The following CRACR2A variants were observed in gnomAD, a reference collection of about 807,000 sequenced individuals.
CRACR2A encodes the protein EF-hand calcium-binding domain-containing protein 4B.
In CRACR2A, 79 loss-of-function variants were observed where a neutral mutation model predicts 90.5. The observed-to-expected ratio is 0.87, with a 90% confidence interval of 0.73 to 1.05. The LOEUF is 1.05. Ranked by LOEUF, CRACR2A falls within the 50% of genes least tolerant of loss-of-function variation. The pLI is 0.00. For synonymous variants in CRACR2A, 338 were observed against 356.7 expected (o/e 0.95, Z 0.59); for missense variants, 823 against 897.2 (o/e 0.92, Z 1.06).
At chr12:3,643,850 AT>A (rs1565470989) in intron 12 of CRACR2A, among the ~76,000 whole-genome samples, 3 of 50,210 alleles carry the variant, frequency 6.0e-5, no homozygotes, top group African/African-American at 6.5e-5. Flanking sequence ...AATATATATT[AT>A]ATATTTATAT....
rs370881871 is a variant in CRACR2A at position 3,695,616 on chromosome 12, G to A, written c.228+1156C>T. On this transcript the variant is annotated intron_variant, in intron 4 of 19. Transcript: ENST00000440314. The stretch of plus-strand genomic sequence containing the variant: ...CACATGCATGAGCAGAGATGGGGCT[G>A]AGCCTAATGAGGGTCCCCATTTCAT... Among the ~76,000 whole-genome samples the A allele has an allele frequency of 2.2e-4, 34 of 152,340 alleles. No individual in the cohort carries two copies. In the South Asian group the frequency reaches 7.0e-3, roughly 32 times the overall value.
chr12:3,633,685 C>T lies in CRACR2A; in HGVS notation c.1654G>A (p.Gly552Ser). ...PDRLFKIVFV[G>S]NSAVGKTSFL... ...GATGTCTTCCCCACCGCGGAATTGC[C>T]CACGAACACAATCTTGAAGAGCCGG... Residue 552 changes from glycine to serine, a missense_variant, in exon 15 of 20, where the codon GGC becomes AGC. By Grantham distance (56) the Gly-to-Ser change is moderately conservative. Transcript: ENST00000440314. This position sits in a 1 kb window ranked among gnomAD's most constrained non-coding sequence, Gnocchi z 4.5. The T allele has an allele frequency of 3.2e-6, 5 of 1,551,720 alleles. No homozygotes were observed. The highest frequency in any genetic ancestry group is 4.4e-6 in the Non-Finnish European group (5 of 1,146,994).
At chr12:3,692,422 C>T (rs561641161) in intron 4 of CRACR2A, among the ~76,000 whole-genome samples, 1 of 151,128 alleles carries the variant, frequency 6.6e-6, no homozygotes, top group Admixed American at 6.6e-5. Context: ...CAGCTCCCAA[C>T]TCCTGGACTG....
intron 11 of CRACR2A, among the ~76,000 whole-genome samples, chr12:3,646,913 C>G (rs754690479): frequency 3.3e-5 from 5 of 152,144 alleles, no homozygotes; most frequent in Non-Finnish European, 7.4e-5. Flanking sequence ...TCACATGTAT[C>G]ATCTAATTCT....
chr12:3,643,912 T>A (rs1302573084), intron 12 of CRACR2A, among the ~76,000 whole-genome samples: 5 of 110,692 alleles, frequency 4.5e-5, no homozygotes, highest in Non-Finnish European at 7.0e-5. Context: ...TTATATATAT[T>A]TATATTATAT....
At chr12:3,703,543 G>A (rs533722447) in intron 3 of CRACR2A, among the ~76,000 whole-genome samples, 68 of 152,236 alleles carry the variant, frequency 4.5e-4, no homozygotes, top group Admixed American at 7.2e-4. Flanking sequence ...CAACAAAAGT[G>A]CAATTCATTT....
chr12:3,667,956 A>G (rs918794442), intron 7 of CRACR2A, among the ~76,000 whole-genome samples: 4 of 152,262 alleles, frequency 2.6e-5, no homozygotes, highest in Non-Finnish European at 4.4e-5. Flanking sequence ...TGGATTTTCA[A>G]GATGGATGGT....
intron 2 of CRACR2A, among the ~76,000 whole-genome samples, chr12:3,720,505 T>G (rs1247913889): frequency 6.6e-6 from 1 of 150,842 alleles, no homozygotes; most frequent in Non-Finnish European, 1.5e-5. Flanking sequence ...TGGAGGGTAC[T>G]TAATACACCG....
At chr12:3,652,894 C>T (rs550463319) in intron 10 of CRACR2A, among the ~76,000 whole-genome samples, 4 of 152,320 alleles carry the variant, frequency 2.6e-5, no homozygotes, top group South Asian at 2.1e-4. Flanking sequence ...ATCAGCAAGA[C>T]GTGCCTAACT....
At chr12:3,714,287 T>A (rs1269507503) in intron 2 of CRACR2A, among the ~76,000 whole-genome samples, 1 of 152,186 alleles carries the variant, frequency 6.6e-6, no homozygotes, top group Admixed American at 6.5e-5. Context: ...GAGCTTATAT[T>A]CCAGTGGGCA....
intron 4 of CRACR2A, among the ~76,000 whole-genome samples, chr12:3,688,106 A>G (rs983486465): frequency 2.0e-5 from 3 of 152,172 alleles, no homozygotes; most frequent in African/African-American, 7.2e-5. Flanking sequence ...GTCAGTGCAT[A>G]GTTTGCAAAA....
At chr12:3,679,783 T>C (rs980890239) in intron 5 of CRACR2A, among the ~76,000 whole-genome samples, 1 of 152,206 alleles carries the variant, frequency 6.6e-6, no homozygotes, top group Admixed American at 6.5e-5. Flanking sequence ...GTCTAGTCTG[T>C]TCAAACCTTC....
chr12:3,632,456 C>T (rs993471219), intron 15 of CRACR2A, among the ~76,000 whole-genome samples: 10 of 152,156 alleles, frequency 6.6e-5, no homozygotes, highest in African/African-American at 2.2e-4. Flanking sequence ...AGTGGCGGGG[C>T]CCAGATGAGG....
intron 7 of CRACR2A, among the ~76,000 whole-genome samples, chr12:3,663,806 G>A (rs1389437026): frequency 3.3e-5 from 5 of 152,122 alleles, no homozygotes; most frequent in East Asian, 1.9e-4. Flanking sequence ...TACAGTTGAC[G>A]TATGTGGAAC....
intron 4 of CRACR2A, among the ~76,000 whole-genome samples, chr12:3,682,896 C>T (rs1945484382): frequency 6.6e-6 from 1 of 151,992 alleles, no homozygotes; most frequent in Admixed American, 6.5e-5. Flanking sequence ...GATTCTCCTG[C>T]CACAGCCTCC....
intron 4 of CRACR2A, among the ~76,000 whole-genome samples, chr12:3,686,609 T>C (rs1451494878): frequency 6.6e-6 from 1 of 152,172 alleles, no homozygotes; most frequent in African/African-American, 2.4e-5. Flanking sequence ...ATGGAGTCTC[T>C]TCATGCTCTC....
chr12:3,665,245 G>A (rs944928738), intron 7 of CRACR2A, among the ~76,000 whole-genome samples: 27 of 152,300 alleles, frequency 1.8e-4, no homozygotes, highest in African/African-American at 4.1e-4. Flanking sequence ...TATCCTCCCC[G>A]TCCTTTTCTT....
chr12:3,752,286 G>C (rs577403599), intron 1 of CRACR2A, among the ~76,000 whole-genome samples: 66 of 152,044 alleles, frequency 4.3e-4, no homozygotes, highest in Non-Finnish European at 6.6e-4. Context: ...GGGTACATTC[G>C]CTGCATCCCG....
chr12:3,648,063 G>T, intron 11 of CRACR2A: 1 of 991,896 alleles, frequency 1.0e-6, no homozygotes, highest in Non-Finnish European at 1.2e-6. Flanking sequence ...GCCGAGTTAC[G>T]GATTTCCATT....
Sources: gnomAD v4.1 joint callset for allele counts (sites outside exome capture counted in the v4.1 genomes callset) on GRCh38, gnomAD v4.1.1 for gene constraint, Gnocchi (gnomAD v3.1) non-coding constraint, MANE v1.5 for transcripts, NCBI Gene and HGNC (gene_info 2026-07-23, HGNC 2026-07-21) for gene names.